Variants in TMEM131 observed in about 807,000 individuals in gnomAD.
TMEM131 encodes 2610524E03Rik.
Under a neutral mutation model 211.6 loss-of-function variants are expected in TMEM131, and 66 were observed. The ratio of observed to expected loss-of-function variants is 0.31; its 90% CI spans 0.26 to 0.38. The LOEUF is 0.38. Among genes scored for constraint, TMEM131 ranks in the 10% least tolerant of loss-of-function variants. TMEM131 has a pLI of 1.00. For synonymous variants in TMEM131, 844 were observed against 841.3 expected (o/e 1.00, Z -0.06); for missense variants, 2,036 against 2,299.3 (o/e 0.89, Z 2.34).
At chr2:97,854,853 G>C (rs1018740325) in intron 5 of TMEM131, among the ~76,000 whole-genome samples, 1 of 152,032 alleles carries the variant, frequency 6.6e-6, no homozygotes, top group South Asian at 2.1e-4. Context: ...CACGCCCTTC[G>C]AGTCTTTGTT....
intron 11 of TMEM131, among the ~76,000 whole-genome samples, chr2:97,832,485 C>A (rs1682749324): frequency 1.3e-5 from 2 of 152,110 alleles, no homozygotes; most frequent in African/African-American, 4.8e-5. Context: ...CTGGGAAGAC[C>A]ATCTCTTGCT....
chr2:97,759,395 T>C, intron 39 of TMEM131: 1 of 524,418 alleles, frequency 1.9e-6, no homozygotes, highest in Non-Finnish European at 3.4e-6. Context: ...AGAACCCTTC[T>C]GTGAAGCCCT....
At chr2:97,768,438 C>A (rs1559346856) in intron 33 of TMEM131, among the ~76,000 whole-genome samples, 1 of 151,790 alleles carries the variant, frequency 6.6e-6, no homozygotes, top group African/African-American at 2.4e-5. Flanking sequence ...AAATTCTGTG[C>A]CACTGTAAAA....
chr2:97,793,466 G>A lies in TMEM131; in HGVS notation c.3474C>T (p.Ala1158=). The part of the protein sequence containing the change: ...EPFRRRLSFE[A]SNPPFDVGRP... ...TTCCCACATCGAAGGGCGGGTTCGA[G>A]GCCTCAAAGGATAGCCGCCTTCGAA... Residue 1158 remains alanine (A), a synonymous_variant, in exon 30 of 41, where the codon GCC becomes GCT. Coordinates refer to ENST00000186436, the MANE Select transcript of TMEM131 (RefSeq NM_015348.2). 6.2e-7 allele frequency: 1 copy of A among 1,613,928 alleles called. No homozygotes were observed. The highest frequency in any genetic ancestry group is 8.5e-7 in the Non-Finnish European group (1 of 1,179,880).
intron 11 of TMEM131, among the ~76,000 whole-genome samples, chr2:97,820,836 A>G (rs1467646642): frequency 6.6e-6 from 1 of 151,960 alleles, no homozygotes; most frequent in Non-Finnish European, 1.5e-5. Context: ...AGCCTGGGCA[A>G]CAGAGTGAGA....
At chr2:97,830,501 G>A (rs902190264) in intron 11 of TMEM131, among the ~76,000 whole-genome samples, 5 of 152,180 alleles carry the variant, frequency 3.3e-5, no homozygotes, top group Non-Finnish European at 7.3e-5. Flanking sequence ...TTCTAAAACT[G>A]CTTATAAAAG....
At chr2:97,934,219 C>T (rs780974788) in intron 1 of TMEM131, among the ~76,000 whole-genome samples, 4 of 152,108 alleles carry the variant, frequency 2.6e-5, no homozygotes, top group Non-Finnish European at 5.9e-5. Flanking sequence ...TTTCTATATA[C>T]TAACAATGAA....
At chr2:97,827,239 G>C in intron 11 of TMEM131, 1 of 767,716 alleles carries the variant, frequency 1.3e-6, no homozygotes, top group Non-Finnish European at 2.4e-6. Flanking sequence ...CGCCTTCCCC[G>C]CCGCCAGGAT....
chr2:97,793,310 G>A, intron 30 of TMEM131, 85 bp downstream of exon 30: 1 of 1,410,156 alleles, frequency 7.1e-7, no homozygotes, highest in African/African-American at 1.4e-5. Flanking sequence ...CCTGAGCAAA[G>A]ATGAAAAGAA....
At chr2:97,906,397 A>C (rs1039267363) in intron 3 of TMEM131, among the ~76,000 whole-genome samples, 3 of 152,200 alleles carry the variant, frequency 2.0e-5, no homozygotes, top group Non-Finnish European at 4.4e-5. Context: ...ACAGTTGTAA[A>C]TTCTGTCTAC....
intron 2 of TMEM131, 164 bp downstream of exon 2, chr2:97,927,262 T>C: frequency 2.2e-6 from 1 of 446,970 alleles, no homozygotes; most frequent in Non-Finnish European, 3.9e-6. Context: ...AAAACTCACG[T>C]AACTACAGAG....
intron 1 of TMEM131, among the ~76,000 whole-genome samples, chr2:97,930,738 A>G (rs925407902): frequency 6.6e-6 from 1 of 152,024 alleles, no homozygotes; most frequent in East Asian, 1.9e-4. Context: ...AAGTCAGTCA[A>G]GTTATCACAT....
chr2:97,915,039 T>G (rs920894176), intron 2 of TMEM131, among the ~76,000 whole-genome samples: 1 of 152,204 alleles, frequency 6.6e-6, no homozygotes, highest in African/African-American at 2.4e-5. Flanking sequence ...TTGCCAGTAT[T>G]TGGTGTTGTC....
chr2:97,923,866 G>C (rs1316430523), intron 2 of TMEM131, among the ~76,000 whole-genome samples: 1 of 152,072 alleles, frequency 6.6e-6, no homozygotes, highest in African/African-American at 2.4e-5. Flanking sequence ...GGATCACGAG[G>C]TCAGGAGATT....
chr2:97,902,621 C>T (rs989068713), intron 3 of TMEM131, among the ~76,000 whole-genome samples: 1 of 152,172 alleles, frequency 6.6e-6, no homozygotes, highest in Non-Finnish European at 1.5e-5. Context: ...CTAATAATGA[C>T]ACCACTTGTG....
At chr2:97,945,330 A>C (rs1677982588) in intron 1 of TMEM131, among the ~76,000 whole-genome samples, 1 of 152,164 alleles carries the variant, frequency 6.6e-6, no homozygotes, top group Non-Finnish European at 1.5e-5. Flanking sequence ...TATTGTATAA[A>C]GGATTTCTTT....
intron 15 of TMEM131, among the ~76,000 whole-genome samples, chr2:97,813,454 T>C (rs1162871901): frequency 6.6e-6 from 1 of 152,224 alleles, no homozygotes; most frequent in East Asian, 1.9e-4. Context: ...GTTTGGAATT[T>C]TTCCCCCTGC....
intron 2 of TMEM131, among the ~76,000 whole-genome samples, chr2:97,923,751 A>G (rs1279493220): frequency 3.9e-5 from 6 of 152,012 alleles, no homozygotes; most frequent in African/African-American, 1.5e-4. Flanking sequence ...ATAGTGAAAA[A>G]AATACAGAGC....
intron 2 of TMEM131, among the ~76,000 whole-genome samples, chr2:97,923,628 TAAAAAA>T (rs71386040): frequency 0.023 from 685 of 30,190 alleles, 5 homozygotes; most frequent in African/African-American, 0.042. Flanking sequence ...TCTTTTTTTT[TAAAAAA>T]AAAAAAAAAA....
Sources: gnomAD v4.1 joint callset for allele counts (sites outside exome capture counted in the v4.1 genomes callset) on GRCh38, gnomAD v4.1.1 for gene constraint, MANE v1.5 for transcripts, NCBI Gene and HGNC (gene_info 2026-07-23, HGNC 2026-07-21) for gene names.